The following CAB39L variants were observed in gnomAD, a reference collection of about 807,000 sequenced individuals.
The protein encoded by CAB39L is calcium binding protein 39 like.
A neutral mutation model predicts 39.1 loss-of-function variants in CAB39L; 23 were observed. The observed-to-expected ratio is 0.59, with a 90% CI of 0.42 to 0.83. The LOEUF (loss-of-function observed/expected upper bound fraction) is 0.83. Among genes scored for constraint, CAB39L ranks in the 40% least tolerant of loss-of-function variants. The pLI is 0.00. For missense variants in CAB39L, 366 were observed against 391.9 expected (o/e 0.93, Z 0.56); for synonymous variants, 126 against 137.2 (o/e 0.92, Z 0.57).
In CAB39L at chr13:49,444,062, T is replaced by TAG. The variant is rs1179302945; in HGVS notation, c.-323_-322insCT. The TAG allele has an allele frequency of 4.4e-6, 2 of 450,324 alleles. No individual in the cohort carries two copies. Among genetic ancestry groups the TAG allele is most frequent in the Non-Finnish European group, 8.9e-6 (2 of 224,120 alleles). 27.9% of individuals were successfully genotyped at this position (450,324 alleles called of 1,614,324 possible). A position where few individuals can be genotyped will look rare whatever the true frequency, so the allele number is the denominator to read the frequency against. On this transcript the variant is annotated 5_prime_UTR_variant, in exon 1 of 11. Transcript: ENST00000409308. ...AGTAACTCCATTGGCTCAGCTACAG[T>TAG]GCGCGAGACAAGCCGAGAGCGCTAG...
At chr13:49,322,220 A>G (rs1318308736) in intron 10 of CAB39L, among the ~76,000 whole-genome samples, 1 of 152,184 alleles carries the variant, frequency 6.6e-6, no homozygotes, top group East Asian at 1.9e-4. Context: ...GCCGTATTCT[A>G]GACATTCATA....
At chr13:49,312,545 C>T (rs372755748) in intron 10 of CAB39L, among the ~76,000 whole-genome samples, 13 of 152,288 alleles carry the variant, frequency 8.5e-5, no homozygotes, top group Middle Eastern at 3.4e-3. Flanking sequence ...CACTATATAG[C>T]CTAGGTGTGT....
chr13:49,377,868 G>C (rs1420419080), intron 4 of CAB39L, among the ~76,000 whole-genome samples: 1 of 88,660 alleles, frequency 1.1e-5, no homozygotes, highest in Admixed American at 9.8e-5. Flanking sequence ...GGAAAGTGAG[G>C]AGCGTCTCCG....
At chr13:49,349,496 C>T (rs904509659) in intron 7 of CAB39L, among the ~76,000 whole-genome samples, 1 of 148,810 alleles carries the variant, frequency 6.7e-6, no homozygotes, top group Non-Finnish European at 1.5e-5. Context: ...ATGAGTCTTA[C>T]CTACTTTTTA....
At position 49,315,420 on chromosome 13, in the gene CAB39L, T is replaced by C. The variant is rs1472287547; in HGVS notation, c.835-4427A>G. Among the ~76,000 whole-genome samples the C allele has an allele frequency of 2.0e-5, 3 of 152,112 alleles. No homozygotes were observed. The East Asian group carries it at 5.8e-4, about 29-fold the overall frequency. ...AGGAACTGACCTTTGACCTTCTGGG[T>C]TATAAAGTATCCTAGGCTCCTCTGA... On this transcript the variant is annotated intron_variant, in intron 10 of 10. Coordinates refer to ENST00000409308, the MANE Select transcript of CAB39L (RefSeq NM_001079670.3).
Position 49,433,398 on chromosome 13 carries a change from C to A in CAB39L, c.-107-5G>T, listed in dbSNP as rs749156478. The A allele has an allele frequency of 2.2e-6, 1 of 449,970 alleles. No individual in the cohort carries two copies. The highest frequency in any genetic ancestry group is 1.6e-5 in the South Asian group (1 of 62,570). 27.9% of individuals were successfully genotyped at this position (449,970 alleles called of 1,614,324 possible). A position where few individuals can be genotyped will look rare whatever the true frequency, so the allele number is the denominator to read the frequency against. ...AGTCACTGATCACCACAGCTTCTGA[C>A]AAAAAGAAAAGCTTTAAAATTAATT... is the stretch of plus-strand genomic sequence containing the variant. On this transcript the variant is annotated splice_region_variant and splice_polypyrimidine_tract_variant and intron_variant, in intron 2 of 10. Coordinates refer to ENST00000409308, the MANE Select transcript of CAB39L (RefSeq NM_001079670.3).
intron 3 of CAB39L, among the ~76,000 whole-genome samples, chr13:49,398,650 A>G (rs1312788444): frequency 6.6e-6 from 1 of 152,090 alleles, no homozygotes; most frequent in Admixed American, 6.6e-5. Context: ...CATCTACTGT[A>G]TTGTTTATTT....
chr13:49,355,787 A>G (rs1232595300), intron 6 of CAB39L, among the ~76,000 whole-genome samples: 4 of 151,918 alleles, frequency 2.6e-5, no homozygotes, highest in Non-Finnish European at 5.9e-5. Context: ...ATTTATACAC[A>G]CACACATATA....
intron 10 of CAB39L, among the ~76,000 whole-genome samples, chr13:49,323,500 G>A (rs942195561): frequency 6.6e-6 from 1 of 152,194 alleles, no homozygotes; most frequent in Non-Finnish European, 1.5e-5. Flanking sequence ...AAGGTCTGGC[G>A]AATGTGATGA....
intron 1 of CAB39L, among the ~76,000 whole-genome samples, chr13:49,440,715 AGTGTGTGTGTGTGT>A (rs56314282): frequency 0.032 from 4,328 of 135,518 alleles, 212 homozygotes; most frequent in African/African-American, 0.11. Context: ...ATTCCTAGGC[AGTGTGTGTGTGTGT>A]GTGTGTGTGT....
chr13:49,338,395 G>T (rs925334931), intron 9 of CAB39L, among the ~76,000 whole-genome samples: 1 of 146,924 alleles, frequency 6.8e-6, no homozygotes, highest in African/African-American at 2.5e-5. Flanking sequence ...GTAAACTATC[G>T]CAAGAACAAA....
intron 10 of CAB39L, among the ~76,000 whole-genome samples, chr13:49,319,715 G>A (rs1954291772): frequency 6.6e-6 from 1 of 151,068 alleles, no homozygotes; most frequent in African/African-American, 2.4e-5. Flanking sequence ...TATCAGAAAT[G>A]TGTGGCTGCT....
intron 9 of CAB39L, among the ~76,000 whole-genome samples, chr13:49,333,537 A>G (rs1279689977): frequency 2.0e-5 from 3 of 150,376 alleles, no homozygotes; most frequent in Non-Finnish European, 3.0e-5. Context: ...CTTCTTTCCT[A>G]AACTCTAGAC....
At chr13:49,320,688 G>A (rs2407609) in intron 10 of CAB39L, among the ~76,000 whole-genome samples, 99,741 of 151,966 alleles carry the variant, frequency 0.66, 32,933 homozygotes, top group South Asian at 0.78. Context: ...CTCCTGTTAC[G>A]GTTATGTGGA....
At chr13:49,408,059 G>C (rs893948249) in intron 3 of CAB39L, among the ~76,000 whole-genome samples, 2 of 152,018 alleles carry the variant, frequency 1.3e-5, no homozygotes, top group Non-Finnish European at 2.9e-5. Flanking sequence ...ATGTGAATTT[G>C]GCAGAAGAAT....
chr13:49,365,078 T>C (rs1029681038), intron 5 of CAB39L, among the ~76,000 whole-genome samples: 1 of 152,110 alleles, frequency 6.6e-6, no homozygotes, highest in Non-Finnish European at 1.5e-5. Context: ...CAAAACAGCA[T>C]GATACTGGCA....
At chr13:49,417,884 T>C (rs1446725976) in intron 3 of CAB39L, among the ~76,000 whole-genome samples, 5 of 152,174 alleles carry the variant, frequency 3.3e-5, no homozygotes, top group Non-Finnish European at 4.4e-5. Flanking sequence ...TAGGGATGGC[T>C]ATAATGAAAA....
At chr13:49,369,149 A>G (rs753865675) in intron 5 of CAB39L, among the ~76,000 whole-genome samples, 21 of 152,236 alleles carry the variant, frequency 1.4e-4, no homozygotes, top group African/African-American at 4.8e-4. Context: ...CCTTATTAGA[A>G]TGGCTAAAAC....
At chr13:49,361,347 G>A (rs1357162439) in intron 5 of CAB39L, among the ~76,000 whole-genome samples, 4 of 151,514 alleles carry the variant, frequency 2.6e-5, no homozygotes, top group South Asian at 4.2e-4. Context: ...CTGTGGTGGT[G>A]TGCACCTGTA....
Sources: allele counts gnomAD v4.1 joint callset (sites outside exome capture counted in the v4.1 genomes callset), GRCh38; gene constraint gnomAD v4.1.1; transcripts MANE v1.5; gene names NCBI Gene and HGNC (gene_info 2026-07-23, HGNC 2026-07-21).